Variants in GFAP observed in about 807,000 individuals in gnomAD.
The protein encoded by GFAP is glial fibrillary acidic protein.
GFAP carries 38 observed loss-of-function variants against 49.3 expected under a neutral mutation model. That is an observed-to-expected ratio of 0.77 (90% CI 0.60 to 1.01). GFAP has a LOEUF of 1.01. GFAP is among the 50% of genes least tolerant of loss of function. GFAP has a pLI of 0.00. For missense variants in GFAP, 463 were observed against 579.1 expected, an observed-to-expected ratio of 0.80 and a Z score of 2.06; for synonymous variants, 222 against 236.4, an observed-to-expected ratio of 0.94 and a Z score of 0.56.
chr17:44,909,652 A>G, intron 7 of GFAP: 1 of 260,748 alleles, frequency 3.8e-6, no homozygotes, highest in African/African-American at 2.7e-5. Flanking sequence ...GAAAAATATA[A>G]CACGTCACAT....
chr17:44,904,143 T>C lies in GFAP; in HGVS notation c.*3204A>G. ...AGCGACATGCTGACCCGCTTCAGCA[T>C]CCGCATGTTCAGCTTGTTGGTTTTC... On this transcript the variant is annotated 3_prime_UTR_variant, in exon 9 of 9. Transcript: ENST00000588735. 1 of 1,550,322 alleles carries C rather than the reference T, an allele frequency of 6.5e-7. No homozygotes were observed. The highest frequency in any genetic ancestry group is 8.7e-7 in the Non-Finnish European group (1 of 1,146,724).
chr17:44,915,436 T>C lies in GFAP; in HGVS notation c.51A>G (p.Ser17=). The C allele has an allele frequency of 6.2e-7, 1 of 1,609,656 alleles. No individual in the cohort carries two copies. The highest frequency in any genetic ancestry group is 8.5e-7 in the Non-Finnish European group (1 of 1,178,344). Residue 17 remains serine (S), a synonymous_variant, in exon 1 of 9, where the codon TCA becomes TCG. Coordinates refer to ENST00000588735, the MANE Select transcript of GFAP (RefSeq NM_002055.5). The surrounding 1 kb of genome is among the most constrained non-coding windows in gnomAD (Gnocchi z 4.1). ...TSAARRSYVS[S]GEMMVGGLAP... The stretch of plus-strand genomic sequence containing the variant: ...CCAGGCCCCCCACCATCATCTCCCC[T>C]GAGGAGACGTAGGAGCGGCGAGCAG...
chr17:44,913,487 T>TC (rs2051823501), intron 3 of GFAP, 57 bp from the exon 4 acceptor site: 3 of 1,572,968 alleles, frequency 1.9e-6, no homozygotes, highest in Non-Finnish European at 2.6e-6. Flanking sequence ...CAGCTGGGGT[T>TC]CCCCACGCCA....
chr17:44,910,381 T>C lies in GFAP; in HGVS notation c.1171+234A>G, dbSNP rs1005526003. 9.3e-6 allele frequency: 15 copies of C among 1,607,892 alleles called. No homozygotes were observed. The Admixed American group carries it at 2.5e-4, about 27-fold the overall frequency. On this transcript the variant is annotated intron_variant, in intron 7 of 8. Coordinates refer to ENST00000588735, the MANE Select transcript of GFAP (RefSeq NM_002055.5). ...CACCCAGTTCTGCTGTCGAATGGGG[T>C]GCAGGGAGGGGAAGAGGGACCAGGG...
rs1567767093 is a variant in GFAP, at chr17:44,904,197, A to G, written c.*3150T>C. 2 of 1,550,580 alleles carry G rather than the reference A, an allele frequency of 1.3e-6. No homozygotes were observed. The highest frequency in any genetic ancestry group is 2.4e-5 in the East Asian group (1 of 40,926). On this transcript the variant is annotated 3_prime_UTR_variant, in exon 9 of 9. Transcript: ENST00000588735. ...GCTCAGTCTGAGGACTCAGGCCTGT[A>G]CTTCTGCGGCACCCGCAAGGGGGAC...
At chr17:44,907,986 C>G (rs1262810193) in intron 8 of GFAP, 78 bp downstream of exon 8, 1 of 1,006,316 alleles carries the variant, frequency 9.9e-7, no homozygotes, top group Non-Finnish European at 1.6e-6. Flanking sequence ...TGTGCCAGCC[C>G]CAGGCTTTCC....
intron 1 of GFAP, chr17:44,914,385 GCA>G: frequency 2.4e-6 from 1 of 412,682 alleles, no homozygotes. Context: ...ACACACACAC[GCA>G]CATGTCCTCC....
In GFAP at chr17:44,904,896, G is replaced by A. The variant is rs770650702; in HGVS notation, c.*2451C>T. On this transcript the variant is annotated 3_prime_UTR_variant, in exon 9 of 9. Transcript: ENST00000588735. ...CAGGGTGTGCTAGTTGCTGGCTTCC[G>A]GCTGGGTGTGACATCTCATGGGCAC... 12 of 1,550,404 alleles carry A rather than the reference G, an allele frequency of 7.7e-6. No homozygotes were observed. The Admixed American group carries it at 1.4e-4, about 18-fold the overall frequency.
At chr17:44,913,609 A>G (rs1555574561) in intron 3 of GFAP, 119 bp downstream of exon 3, 6 of 1,041,162 alleles carry the variant, frequency 5.8e-6, no homozygotes, top group African/African-American at 3.1e-5. Flanking sequence ...CTACCTGCCA[A>G]TCTCTGTTTC....
At position 44,911,470 on chromosome 17, in the gene GFAP, C is replaced by A. The variant is rs2051763807; in HGVS notation, c.907-14G>T. 2 of 1,589,576 alleles carry A rather than the reference C, an allele frequency of 1.3e-6. No homozygotes were observed. Among genetic ancestry groups the A allele is most frequent in the African/African-American group, 1.3e-5 (1 of 74,716 alleles). ...CAGGGACTCGTTCTGTGGGATGGAG[C>A]CGGCCGGTCCCGCGGAGCCCCGACC... On this transcript the variant is annotated splice_polypyrimidine_tract_variant and intron_variant, in intron 5 of 8. Transcript: ENST00000588735.
chr17:44,914,758 C>T, intron 1 of GFAP: 1 of 536,056 alleles, frequency 1.9e-6, no homozygotes, highest in East Asian at 3.3e-5. Flanking sequence ...AGGGGCCCCG[C>T]TGCTCCTGCA....
chr17:44,903,792 G>A lies in GFAP; in HGVS notation c.*3555C>T, dbSNP rs1249534624. The stretch of plus-strand genomic sequence containing the variant: ...AGCCCTATGAGCCTTTAATGCCCTG[G>A]TTTTGCCCTGCCCCTCTGACCCCTG... On this transcript the variant is annotated 3_prime_UTR_variant, in exon 9 of 9. Transcript: ENST00000588735. The A allele has an allele frequency of 6.6e-7, 1 of 1,524,056 alleles. No individual in the cohort carries two copies. Among genetic ancestry groups the A allele is most frequent in the Admixed American group, 2.1e-5 (1 of 48,240 alleles). The allele number at this position is 1,524,056 out of a possible 1,614,324, so 94.4% of individuals were successfully genotyped here.
In GFAP at chr17:44,904,679, G is replaced by C; in HGVS notation, c.*2668C>G. 6.4e-7 allele frequency: 1 copy of C among 1,550,576 alleles called. No individual in the cohort carries two copies. The highest frequency in any genetic ancestry group is 8.7e-7 in the Non-Finnish European group (1 of 1,146,998). On this transcript the variant is annotated 3_prime_UTR_variant, in exon 9 of 9. Coordinates refer to ENST00000588735, the MANE Select transcript of GFAP (RefSeq NM_002055.5). ...GTTCCACCAGCAGAGACTGGGCCAT[G>C]GACTCATCATCTCCTGTCCTGGGGC...
chr17:44,911,445 C>T lies in GFAP; in HGVS notation c.918G>A (p.Leu306=), dbSNP rs1232753133. 2 of 1,608,076 alleles carry T rather than the reference C, an allele frequency of 1.2e-6. No individual in the cohort carries two copies. Among genetic ancestry groups the T allele is most frequent in the Non-Finnish European group, 8.5e-7 (1 of 1,177,650 alleles). The part of the protein sequence containing the change: ...LESLRGTNES[L]ERQMREQEER... ...CCTCCTGCTCGCGCATCTGCCTCTCCAGGGACTCGTTCTGTGGGATGGAGC... is the reference window on the plus strand; with the variant it reads ...CCTCCTGCTCGCGCATCTGCCTCTCTAGGGACTCGTTCTGTGGGATGGAGC... Residue 306 remains leucine, a synonymous_variant, in exon 6 of 9, where the codon CTG becomes CTA. Transcript: ENST00000588735.
Position 44,907,124 on chromosome 17 carries a change from T to C in GFAP, c.*223A>G. On this transcript the variant is annotated 3_prime_UTR_variant, in exon 9 of 9. Transcript: ENST00000588735. ...GACTGCCCCTTGGGGGTGAGTTTCT[T>C]GTTAGTTGGAGTTGCTGGGTGCTGG... 1 of 599,440 alleles carries C rather than the reference T, an allele frequency of 1.7e-6. No homozygotes were observed. The highest frequency in any genetic ancestry group is 2.8e-5 in the East Asian group (1 of 35,320). 37.1% of individuals were successfully genotyped at this position (599,440 alleles called of 1,614,324 possible). A position where few individuals can be genotyped will look rare whatever the true frequency, so the allele number is the denominator to read the frequency against.
intron 8 of GFAP, chr17:44,907,824 AG>A: frequency 1.6e-6 from 1 of 609,704 alleles, no homozygotes; most frequent in Admixed American, 2.7e-5. Context: ...AGAAAGAGAG[AG>A]TGTGTATTAG....
rs1360047404 is a variant in GFAP, at chr17:44,904,218, G to A, written c.*3129C>T. The A allele has an allele frequency of 1.9e-6, 3 of 1,550,450 alleles. No homozygotes were observed. The highest frequency in any genetic ancestry group is 2.6e-6 in the Non-Finnish European group (3 of 1,147,010). Reference sequence around the variant, plus strand: ...CTGTACTTCTGCGGCACCCGCAAGGGGGACTACTTTTACGCCTACGATGTG... The same window carrying A: ...CTGTACTTCTGCGGCACCCGCAAGGAGGACTACTTTTACGCCTACGATGTG... On this transcript the variant is annotated 3_prime_UTR_variant, in exon 9 of 9. Coordinates refer to ENST00000588735, the MANE Select transcript of GFAP (RefSeq NM_002055.5).
intron 7 of GFAP, chr17:44,910,073 T>G (rs2051722048): frequency 3.1e-6 from 5 of 1,611,542 alleles, no homozygotes; most frequent in Non-Finnish European, 4.2e-6. Context: ...ATTGGGAGGA[T>G]GGGGTGGGTG....
Position 44,904,412 on chromosome 17 carries a change from C to T in GFAP, c.*2935G>A. The T allele has an allele frequency of 3.9e-6, 6 of 1,542,432 alleles. No homozygotes were observed. Among genetic ancestry groups the T allele is most frequent in the Non-Finnish European group, 5.3e-6 (6 of 1,140,942 alleles). On this transcript the variant is annotated 3_prime_UTR_variant, in exon 9 of 9. Coordinates refer to ENST00000588735, the MANE Select transcript of GFAP (RefSeq NM_002055.5). ...GCAGTGGCGCATCGGCCTCTGCTACCTGCAGAGCCCAGACCTCTCCCCACG... is the reference window on the plus strand; with the variant it reads ...GCAGTGGCGCATCGGCCTCTGCTACTTGCAGAGCCCAGACCTCTCCCCACG...
Sources: allele counts gnomAD v4.1 joint callset, GRCh38; gene constraint gnomAD v4.1.1; non-coding constraint Gnocchi (gnomAD v3.1); transcripts MANE v1.5; gene names NCBI Gene and HGNC (gene_info 2026-07-23, HGNC 2026-07-21).